The following ATXN10 variants were observed in gnomAD, a reference collection of about 807,000 sequenced individuals.
The protein encoded by ATXN10 is ataxin 10.
In ATXN10, 28 loss-of-function variants were observed where a neutral mutation model predicts 52.9. That is an observed-to-expected ratio of 0.53 (90% CI 0.39 to 0.73). The LOEUF is 0.73. Among genes scored for constraint, ATXN10 ranks in the 30% least tolerant of loss-of-function variants. ATXN10 has a pLI of 0.00. For missense variants in ATXN10, 565 were observed against 577.0 expected (o/e 0.98, Z 0.21); for synonymous variants, 226 against 221.5 (o/e 1.02, Z -0.18).
In ATXN10 at chr22:45,769,775, T is replaced by G. The variant is rs531582507; in HGVS notation, c.1173+29237T>G. ...GCCTGACAAGATGTCTGCCAGGTGC[T>G]CAGAAAATATCTGATGAATGAATTT... is the stretch of plus-strand genomic sequence containing the variant. On this transcript the variant is annotated intron_variant, in intron 9 of 11. Transcript: ENST00000252934. The surrounding 1 kb of genome is among the most constrained non-coding windows in gnomAD (Gnocchi z 4.2). Among the ~76,000 whole-genome samples the G allele has an allele frequency of 6.6e-6, 1 of 152,118 alleles. No homozygotes were observed. Among genetic ancestry groups the G allele is most frequent in the Non-Finnish European group, 1.5e-5 (1 of 68,024 alleles).
Position 45,790,500 on chromosome 22 carries a change from A to T in ATXN10, c.1174-16459A>T, listed in dbSNP as rs1487033682. On this transcript the variant is annotated intron_variant, in intron 9 of 11. Coordinates refer to ENST00000252934, the MANE Select transcript of ATXN10 (RefSeq NM_013236.4). The surrounding 1 kb of genome is among the most constrained non-coding windows in gnomAD (Gnocchi z 4.7). ...CTTCTTACTTGTTGCCAACTAGCAG[A>T]CCATAGCAGAAAGTCTGTGATATCT... is the stretch of plus-strand genomic sequence containing the variant. 6.6e-6 allele frequency among the ~76,000 whole-genome samples: 1 copy of T among 152,226 alleles called. No individual in the cohort carries two copies. The highest frequency in any genetic ancestry group is 1.5e-5 in the Non-Finnish European group (1 of 68,046).
chr22:45,838,288 G>T (rs1929231980), intron 10 of ATXN10, among the ~76,000 whole-genome samples: 1 of 152,178 alleles, frequency 6.6e-6, no homozygotes, highest in Non-Finnish European at 1.5e-5. Flanking sequence ...CTGAGGCCCA[G>T]TGCAGTGCTG....
chr22:45,768,929 T>A (rs527725503), intron 9 of ATXN10, among the ~76,000 whole-genome samples: 1 of 152,288 alleles, frequency 6.6e-6, no homozygotes, highest in South Asian at 2.1e-4. Flanking sequence ...TGGTTATTTT[T>A]GTTAAGGTGC....
rs761986713 is a variant in ATXN10, at chr22:45,842,150, G to A, written c.1238-841G>A. 6.6e-6 allele frequency among the ~76,000 whole-genome samples: 1 copy of A among 152,150 alleles called. No homozygotes were observed. Among genetic ancestry groups the A allele is most frequent in the Non-Finnish European group, 1.5e-5 (1 of 68,020 alleles). On this transcript the variant is annotated intron_variant, in intron 10 of 11. Coordinates refer to ENST00000252934, the MANE Select transcript of ATXN10 (RefSeq NM_013236.4). This position sits in a 1 kb window ranked among gnomAD's most constrained non-coding sequence, Gnocchi z 4.8. ...TGGCAGTCTCTTACATATGTCCCTG[G>A]ATCCAACCACTGAAGACTGGTCCCT...
Position 45,678,854 on chromosome 22 carries a change from A to G in ATXN10, c.116+6675A>G, listed in dbSNP as rs761422522. ...GGATAAAATTAACTATGTGTAGCTT[A>G]CTTTGAACTACTGACATAGGAGTAG... On this transcript the variant is annotated intron_variant, in intron 1 of 11. Transcript: ENST00000252934. The surrounding 1 kb of genome is among the most constrained non-coding windows in gnomAD (Gnocchi z 4.1). 2.0e-5 allele frequency: 3 copies of G among 152,248 alleles called. No homozygotes were observed. The highest frequency in any genetic ancestry group is 2.9e-5 in the Non-Finnish European group (2 of 68,038). 9.4% of individuals were successfully genotyped at this position (152,248 alleles called of 1,614,324 possible). A position where few individuals can be genotyped will look rare whatever the true frequency, so the allele number is the denominator to read the frequency against.
Position 45,783,059 on chromosome 22 carries a change from G to A in ATXN10, c.1174-23900G>A, listed in dbSNP as rs1036575686. On this transcript the variant is annotated intron_variant, in intron 9 of 11. Coordinates refer to ENST00000252934, the MANE Select transcript of ATXN10 (RefSeq NM_013236.4). The surrounding 1 kb of genome is among the most constrained non-coding windows in gnomAD (Gnocchi z 5.0). Reference sequence around the variant, plus strand: ...CCTCAGCATACAGTTTTTTTCTTAAGTCTAGAACTCTGACCTTTTCACTTA... The same window carrying A: ...CCTCAGCATACAGTTTTTTTCTTAAATCTAGAACTCTGACCTTTTCACTTA... 6.6e-6 allele frequency among the ~76,000 whole-genome samples: 1 copy of A among 152,176 alleles called. No individual in the cohort carries two copies. Among genetic ancestry groups the A allele is most frequent in the Non-Finnish European group, 1.5e-5 (1 of 68,024 alleles).
chr22:45,766,478 AAAAGGTTG>A lies in ATXN10; in HGVS notation c.1173+25941_1173+25948del, dbSNP rs572712917. On this transcript the variant is annotated intron_variant, in intron 9 of 11. Coordinates refer to ENST00000252934, the MANE Select transcript of ATXN10 (RefSeq NM_013236.4). This position sits in a 1 kb window ranked among gnomAD's most constrained non-coding sequence, Gnocchi z 4.6. ...TCCATGAAATCAGTCCCTGGTGCCA[AAAAGGTTG>A]GGAACTCCTCCTTTAGATAAAACTG... Among the ~76,000 whole-genome samples, 1 of 152,166 alleles carries A rather than the reference AAAAGGTTG, an allele frequency of 6.6e-6. No homozygotes were observed. The highest frequency in any genetic ancestry group is 2.1e-4 in the South Asian group (1 of 4,830).
At chr22:45,839,373 TTGAC>T (rs370621544) in intron 10 of ATXN10, among the ~76,000 whole-genome samples, 19 of 152,262 alleles carry the variant, frequency 1.2e-4, no homozygotes, top group African/African-American at 4.6e-4. Context: ...TGTGAAATAC[TTGAC>T]TATCATATTT....
At chr22:45,785,152 C>T (rs756127354) in intron 9 of ATXN10, among the ~76,000 whole-genome samples, 1 of 152,206 alleles carries the variant, frequency 6.6e-6, no homozygotes, top group African/African-American at 2.4e-5. Flanking sequence ...TTACCCATCC[C>T]TTTCTGGTAT....
intron 9 of ATXN10, among the ~76,000 whole-genome samples, chr22:45,796,124 G>A (rs943418475): frequency 2.0e-5 from 3 of 152,332 alleles, no homozygotes; most frequent in African/African-American, 7.2e-5. Flanking sequence ...CCTGGGAAAC[G>A]AATGCATTCC....
In ATXN10 at chr22:45,837,173, A is replaced by G. The variant is rs1333077375; in HGVS notation, c.1238-5818A>G. Among the ~76,000 whole-genome samples the G allele has an allele frequency of 7.2e-5, 11 of 152,254 alleles. No homozygotes were observed. Among genetic ancestry groups the G allele is most frequent in the Admixed American group, 7.2e-4 (11 of 15,290 alleles). ...AAATAAAGTCCATATATATCAGAAC[A>G]TTATGAAAAGTCTTTTAACACATTT... On this transcript the variant is annotated intron_variant, in intron 10 of 11. Transcript: ENST00000252934. The surrounding 1 kb of genome is among the most constrained non-coding windows in gnomAD (Gnocchi z 5.8).
Position 45,770,206 on chromosome 22 carries a change from A to G in ATXN10, c.1173+29668A>G. 6.6e-6 allele frequency among the ~76,000 whole-genome samples: 1 copy of G among 152,258 alleles called. No homozygotes were observed. The highest frequency in any genetic ancestry group is 1.9e-4 in the East Asian group (1 of 5,200). ...GTAATTTGCCCAAACAATTTACAGC[A>G]AATATGATTGAAACCCATATCTATT... is the stretch of plus-strand genomic sequence containing the variant. On this transcript the variant is annotated intron_variant, in intron 9 of 11. Coordinates refer to ENST00000252934, the MANE Select transcript of ATXN10 (RefSeq NM_013236.4). This position sits in a 1 kb window ranked among gnomAD's most constrained non-coding sequence, Gnocchi z 4.5.
chr22:45,811,594 A>G (rs949762995), intron 10 of ATXN10: 23 of 407,006 alleles, frequency 5.7e-5, no homozygotes, highest in Non-Finnish European at 9.5e-5. Context: ...GCAGTAGGGT[A>G]TACCATACCG....
chr22:45,837,059 A>G lies in ATXN10; in HGVS notation c.1238-5932A>G, dbSNP rs1049055585. ...AATCCCTTGCCTTCATGGGTTTGTT[A>G]TCTAAAAAGAGTTTTAAAATATATG... On this transcript the variant is annotated intron_variant, in intron 10 of 11. Transcript: ENST00000252934. This position sits in a 1 kb window ranked among gnomAD's most constrained non-coding sequence, Gnocchi z 5.8. 2.0e-5 allele frequency among the ~76,000 whole-genome samples: 3 copies of G among 152,212 alleles called. No homozygotes were observed. The South Asian group carries it at 6.2e-4, about 32-fold the overall frequency.
chr22:45,702,875 C>G (rs547091404), intron 5 of ATXN10, 28 bp downstream of exon 5: 25 of 1,612,910 alleles, frequency 1.5e-5, no homozygotes, highest in Non-Finnish European at 2.0e-5. Context: ...AATTTGATTG[C>G]TTTGGGGCAT....
In ATXN10 at chr22:45,769,275, G is replaced by C. The variant is rs1926693284; in HGVS notation, c.1173+28737G>C. Among the ~76,000 whole-genome samples the C allele has an allele frequency of 6.6e-6, 1 of 152,066 alleles. No individual in the cohort carries two copies. The highest frequency in any genetic ancestry group is 6.5e-5 in the Admixed American group (1 of 15,276). On this transcript the variant is annotated intron_variant, in intron 9 of 11. Coordinates refer to ENST00000252934, the MANE Select transcript of ATXN10 (RefSeq NM_013236.4). This position sits in a 1 kb window ranked among gnomAD's most constrained non-coding sequence, Gnocchi z 4.2. The stretch of plus-strand genomic sequence containing the variant: ...TCAAAAGAGTAACGTGTGCAGATGG[G>C]CGCCGTTCATCCCCTCTCCCCCATA...
At chr22:45,730,652 G>A (rs1350042187) in intron 7 of ATXN10, among the ~76,000 whole-genome samples, 1 of 152,202 alleles carries the variant, frequency 6.6e-6, no homozygotes, top group African/African-American at 2.4e-5. Context: ...GGCCAGGCTG[G>A]TCTTGAACTC....
At chr22:45,791,654 C>A (rs1251198298) in intron 9 of ATXN10, among the ~76,000 whole-genome samples, 1 of 152,134 alleles carries the variant, frequency 6.6e-6, no homozygotes, top group African/African-American at 2.4e-5. Flanking sequence ...ATTATTGTAG[C>A]ATCTTTGATT....
chr22:45,752,427 A>G (rs939389689), intron 9 of ATXN10, among the ~76,000 whole-genome samples: 7 of 152,134 alleles, frequency 4.6e-5, no homozygotes, highest in African/African-American at 1.7e-4. Context: ...TCCTGGATCC[A>G]GGCCTTGAAG....
Sources: gnomAD v4.1 joint callset for allele counts (sites outside exome capture counted in the v4.1 genomes callset) on GRCh38, gnomAD v4.1.1 for gene constraint, Gnocchi (gnomAD v3.1) non-coding constraint, MANE v1.5 for transcripts, NCBI Gene and HGNC (gene_info 2026-07-23, HGNC 2026-07-21) for gene names.